The following PDE1C variants were observed in gnomAD, a reference collection of about 807,000 sequenced individuals.
The protein encoded by PDE1C is dual specificity calcium/calmodulin-dependent 3',5'-cyclic nucleotide phosphodiesterase 1C.
A neutral mutation model predicts 93.1 loss-of-function variants in PDE1C; 62 were observed. That is an observed-to-expected ratio of 0.67 (90% confidence interval 0.54 to 0.82). PDE1C has a LOEUF of 0.82. Ranked by LOEUF, PDE1C falls within the 40% of genes least tolerant of loss-of-function variation. PDE1C has a pLI of 0.00. For missense variants in PDE1C, 742 were observed against 884.6 expected (o/e 0.84, Z 2.04); for synonymous variants, 325 against 310.1 (o/e 1.05, Z -0.50).
the PDE1C span, among the ~76,000 whole-genome samples, chr7:31,640,647 T>G: frequency 2.6e-5 from 4 of 152,150 alleles, no homozygotes; most frequent in African/African-American, 9.7e-5. Context: ...AAAAACTTTT[T>G]TTTTTTTTTC....
In PDE1C at chr7:32,078,465, T is replaced by C. The variant is rs143070551; in HGVS notation, c.308+91320A>G. On this transcript the variant is annotated intron_variant, in intron 3 of 18. Coordinates refer to the PDE1C transcript ENST00000396193. Reference sequence around the variant, plus strand: ...TGCTTCTTGAAGAAAGGAGGTCTCTTGGGGAATTGGTAGAAGTAGAGAAGA... The same window carrying C: ...TGCTTCTTGAAGAAAGGAGGTCTCTCGGGGAATTGGTAGAAGTAGAGAAGA... 2.8e-4 allele frequency among the ~76,000 whole-genome samples: 42 copies of C among 152,134 alleles called. No homozygotes were observed. The East Asian group carries it at 8.1e-3, about 29-fold the overall frequency.
chr7:31,794,490 A>C (rs1389601729), intron 16 of PDE1C, among the ~76,000 whole-genome samples: 1 of 151,926 alleles, frequency 6.6e-6, no homozygotes, highest in Admixed American at 6.6e-5. Flanking sequence ...TTCTTTCCAA[A>C]CATAAAATAT....
At chr7:31,789,929 G>C in intron 16 of PDE1C, 1 of 1,153,998 alleles carries the variant, frequency 8.7e-7, no homozygotes, top group Non-Finnish European at 1.1e-6. Flanking sequence ...TGAAAGCCAG[G>C]TCATTAGCAA....
intron 3 of PDE1C, among the ~76,000 whole-genome samples, chr7:32,098,222 T>C (rs1367205810): frequency 8.5e-5 from 2 of 23,546 alleles, no homozygotes; most frequent in African/African-American, 1.3e-4. Flanking sequence ...AGAGCGAGAC[T>C]CCGTCTCAAA....
chr7:31,776,468 C>T (rs114845018), intron 16 of PDE1C, among the ~76,000 whole-genome samples: 1,965 of 152,084 alleles, frequency 0.013, 44 homozygotes, highest in African/African-American at 0.046. Context: ...TTTAATGGGT[C>T]ACGAGGCAAT....
In PDE1C at chr7:31,771,718, T is replaced by C. The variant is rs554212713; in HGVS notation, c.1960+3946A>G. Among the ~76,000 whole-genome samples the C allele has an allele frequency of 4.6e-5, 7 of 152,344 alleles. 1 individual carries two copies. Among genetic ancestry groups the C allele is most frequent in the African/African-American group, 1.4e-4 (6 of 41,572 alleles). On this transcript the variant is annotated intron_variant, in intron 17 of 17. Transcript: ENST00000396191. ...CTGTATTCATGTGTCTTTTGATGTA[T>C]AAAAAGTTTTTAATTTTAATGAAGT...
At chr7:31,959,815 T>C (rs1313572664) in intron 2 of PDE1C, among the ~76,000 whole-genome samples, 3 of 152,170 alleles carry the variant, frequency 2.0e-5, no homozygotes, top group African/African-American at 7.2e-5. Context: ...AAAAGTTCCA[T>C]TTTAAATTAT....
chr7:32,179,350 C>T (rs1470064605), intron 2 of PDE1C, among the ~76,000 whole-genome samples: 1 of 151,184 alleles, frequency 6.6e-6, no homozygotes, highest in African/African-American at 2.4e-5. Context: ...ACCTCCACCT[C>T]CCAGGTTCAA....
At chr7:32,408,228 C>T (rs749567171) in intron 1 of PDE1C, among the ~76,000 whole-genome samples, 7 of 152,180 alleles carry the variant, frequency 4.6e-5, no homozygotes, top group African/African-American at 4.8e-5. Context: ...GACCTACCTG[C>T]TCCATCCCTA....
chr7:31,668,538 A>G, the PDE1C span, among the ~76,000 whole-genome samples: 1 of 152,214 alleles, frequency 6.6e-6, no homozygotes, highest in African/African-American at 2.4e-5. Context: ...CAATGTGGAT[A>G]AACCTCATAA....
At chr7:31,674,499 G>C in the PDE1C span, among the ~76,000 whole-genome samples, 1 of 152,022 alleles carries the variant, frequency 6.6e-6, no homozygotes, top group African/African-American at 2.4e-5. Flanking sequence ...CATGATCAGG[G>C]AATATATCTT....
the PDE1C span, among the ~76,000 whole-genome samples, chr7:31,698,832 T>C: frequency 6.6e-6 from 1 of 152,198 alleles, no homozygotes; most frequent in Non-Finnish European, 1.5e-5. Context: ...GAGGAAGAGA[T>C]ATTTAAGCAG....
intron 1 of PDE1C, among the ~76,000 whole-genome samples, chr7:32,067,630 A>G (rs17338336): frequency 0.38 from 57,898 of 151,914 alleles, 12,634 homozygotes; most frequent in Non-Finnish European, 0.51. Flanking sequence ...TGATCACCAC[A>G]GTGGGATTCA....
exon 2 of PDE1C, chr7:32,209,503 A>T: frequency 6.4e-7 from 1 of 1,574,620 alleles, no homozygotes; most frequent in Non-Finnish European, 8.6e-7. Flanking sequence ...GAAGCGGGCC[A>T]GTGGTCTGGC....
chr7:31,980,863 A>C (rs961824751), intron 2 of PDE1C, among the ~76,000 whole-genome samples: 1 of 152,124 alleles, frequency 6.6e-6, no homozygotes, highest in African/African-American at 2.4e-5. Flanking sequence ...GGCATCTTCA[A>C]ATCTCTCTTG....
intron 2 of PDE1C, chr7:31,893,397 T>C (rs1418602246): frequency 1.4e-6 from 1 of 734,210 alleles, no homozygotes; most frequent in African/African-American, 1.9e-5. Flanking sequence ...TTCTAATAAC[T>C]GAACGTGTCA....
chr7:31,831,623 T>C (rs143302354), intron 11 of PDE1C, among the ~76,000 whole-genome samples: 24 of 151,990 alleles, frequency 1.6e-4, no homozygotes, highest in Admixed American at 5.2e-4. Context: ...AATCTGCAAA[T>C]AGTTGGTCTG....
At chr7:32,108,031 T>G (rs914392919) in intron 3 of PDE1C, among the ~76,000 whole-genome samples, 1 of 151,242 alleles carries the variant, frequency 6.6e-6, no homozygotes, top group Non-Finnish European at 1.5e-5. Flanking sequence ...TAAAATAAAA[T>G]TTTGTAAAAT....
intron 17 of PDE1C, among the ~76,000 whole-genome samples, chr7:31,769,382 T>A (rs1795336204): frequency 6.6e-6 from 1 of 152,204 alleles, no homozygotes; most frequent in Admixed American, 6.5e-5. Context: ...CTTTAGGCAA[T>A]GTCATTCAAT....
Sources: allele counts gnomAD v4.1 joint callset (sites outside exome capture counted in the v4.1 genomes callset), GRCh38; gene constraint gnomAD v4.1.1; transcripts MANE v1.5; gene names NCBI Gene and HGNC (gene_info 2026-07-23, HGNC 2026-07-21).